Variants in DNM3 observed in about 807,000 individuals in gnomAD.
DNM3 encodes the protein dynamin 3.
Under a neutral mutation model 101.6 loss-of-function variants are expected in DNM3, and 47 were observed. The ratio of observed to expected loss-of-function variants is 0.46; its 90% CI spans 0.37 to 0.59. The LOEUF (loss-of-function observed/expected upper bound fraction) is 0.59. Among genes scored for constraint, DNM3 ranks in the 20% least tolerant of loss-of-function variants. The pLI is 0.00. For synonymous variants in DNM3, 385 were observed against 387.9 expected (o/e 0.99, Z 0.09); for missense variants, 849 against 1,085.7 (o/e 0.78, Z 3.06).
chr1:171,998,751 T>C lies in DNM3; in HGVS notation c.589+9603T>C, dbSNP rs536809179. ...GAGAGATTGATTGGGAATGCTGTCT[T>C]AGACAGACGGCCTAAGGAGGCAGCA... On this transcript the variant is annotated intron_variant, in intron 4 of 20. Transcript: ENST00000627582. Among the ~76,000 whole-genome samples the C allele has an allele frequency of 2.6e-5, 4 of 152,212 alleles. No individual in the cohort carries two copies. The South Asian group carries it at 8.3e-4, about 32-fold the overall frequency.
At chr1:172,414,018 A>T (rs1459707015), downstream of DNM3, among the ~76,000 whole-genome samples, 2 of 152,254 alleles carry the variant, frequency 1.3e-5, no homozygotes. Context: ...AAACAAAGAA[A>T]CTTATTGTAA....
At chr1:172,139,178 AT>A (rs1265099523) in intron 14 of DNM3, 1 of 308,696 alleles carries the variant, frequency 3.2e-6, no homozygotes, top group Non-Finnish European at 6.3e-6. Context: ...CACAAGGTTT[AT>A]TCTTAAGTCC....
intron 13 of DNM3, among the ~76,000 whole-genome samples, chr1:172,102,788 C>G (rs1334063325): frequency 6.6e-6 from 1 of 152,032 alleles, no homozygotes; most frequent in Non-Finnish European, 1.5e-5. Context: ...CCCTCTGTCT[C>G]TTTTATCCTC....
At chr1:171,850,767 GTTT>G (rs367677909) in intron 1 of DNM3, among the ~76,000 whole-genome samples, 1 of 139,868 alleles carries the variant, frequency 7.1e-6, no homozygotes, top group Non-Finnish European at 1.6e-5. Context: ...TTAGGGCTTT[GTTT>G]TTTTTTTTTT....
chr1:172,377,908 A>G lies in DNM3; in HGVS notation c.1894-1110A>G, dbSNP rs558541531. On this transcript the variant is annotated intron_variant, in intron 17 of 20. Coordinates refer to ENST00000627582, the MANE Select transcript of DNM3 (RefSeq NM_015569.5). The stretch of plus-strand genomic sequence containing the variant: ...GGCCCATCAATATGCTTTTCACACA[A>G]GCATATTGATTCAAAGGAAAGGCTT... 1.0e-3 allele frequency among the ~76,000 whole-genome samples: 154 copies of G among 152,148 alleles called. 1 individual carries two copies. The highest frequency in any genetic ancestry group is 3.4e-3 in the African/African-American group (142 of 41,532).
chr1:172,387,354 T>A lies in DNM3; in HGVS notation c.2280T>A (p.Ser760=), dbSNP rs1486643126. 4 of 1,612,768 alleles carry A rather than the reference T, an allele frequency of 2.5e-6. No individual in the cohort carries two copies. The highest frequency in any genetic ancestry group is 1.3e-5 in the African/African-American group (1 of 74,864). The change falls in exon 19 of 21, where the codon TCT becomes TCA. Residue 760 remains serine, a synonymous_variant. Coordinates refer to ENST00000627582, the MANE Select transcript of DNM3 (RefSeq NM_015569.5). ...TGGATGACTCCTGGATACAGCACTC[T>A]CGCAGGTAAGAAGATGGCCCCGGCC... ...PPVDDSWIQH[S]RRSPPPSPTT...
chr1:172,067,113 T>C (rs890460565), intron 10 of DNM3, among the ~76,000 whole-genome samples: 4 of 152,306 alleles, frequency 2.6e-5, no homozygotes, highest in East Asian at 1.9e-4. Context: ...GTAAGTCTTA[T>C]AAAAAAATAG....
chr1:172,371,236 G>A (rs1405589469), intron 17 of DNM3, among the ~76,000 whole-genome samples: 1 of 152,014 alleles, frequency 6.6e-6, no homozygotes, highest in Non-Finnish European at 1.5e-5. Context: ...CAACTGAAAG[G>A]GCTTCTGAAG....
rs948088439 is a variant in DNM3, at chr1:172,317,579, T to A, written c.1882-5750T>A. Reference sequence around the variant, plus strand: ...GATATCACCACTGATCCCACAGAAATACAAACTACCATCAGAGAATACTAC... The same window carrying A: ...GATATCACCACTGATCCCACAGAAAAACAAACTACCATCAGAGAATACTAC... On this transcript the variant is annotated intron_variant, in intron 16 of 20. Coordinates refer to ENST00000627582, the MANE Select transcript of DNM3 (RefSeq NM_015569.5). 2.0e-5 allele frequency among the ~76,000 whole-genome samples: 3 copies of A among 152,102 alleles called. No homozygotes were observed. The East Asian group carries it at 5.8e-4, about 29-fold the overall frequency.
chr1:172,050,291 A>G (rs1339915017), intron 10 of DNM3, among the ~76,000 whole-genome samples: 2 of 152,158 alleles, frequency 1.3e-5, no homozygotes, highest in East Asian at 1.9e-4. Context: ...GTTTCCTACT[A>G]ACCCTAAGGA....
intron 15 of DNM3, among the ~76,000 whole-genome samples, chr1:172,256,713 GT>G (rs2062413930): frequency 6.6e-6 from 1 of 151,036 alleles, no homozygotes; most frequent in African/African-American, 2.4e-5. Context: ...GTATTTTCTT[GT>G]GTTTACATTT....
intron 1 of DNM3, among the ~76,000 whole-genome samples, chr1:171,864,860 A>T (rs897648628): frequency 7.2e-6 from 1 of 138,242 alleles, no homozygotes; most frequent in Admixed American, 7.0e-5. Flanking sequence ...TTGCTTAAAT[A>T]AAAAAAAAAA....
intron 14 of DNM3, among the ~76,000 whole-genome samples, chr1:172,215,555 G>A (rs1558737423): frequency 6.6e-6 from 1 of 151,996 alleles, no homozygotes; most frequent in Non-Finnish European, 1.5e-5. Flanking sequence ...GAAATCAGAG[G>A]CAGTTAATTT....
At chr1:171,966,462 G>T (rs2043594961) in intron 2 of DNM3, among the ~76,000 whole-genome samples, 1 of 152,202 alleles carries the variant, frequency 6.6e-6, no homozygotes, top group Non-Finnish European at 1.5e-5. Context: ...AAGTGTTAAG[G>T]GGGCTTGTCA....
At chr1:172,201,552 G>C (rs1437554086) in intron 14 of DNM3, among the ~76,000 whole-genome samples, 1 of 152,220 alleles carries the variant, frequency 6.6e-6, no homozygotes, top group Non-Finnish European at 1.5e-5. Flanking sequence ...GGGGTTCCCT[G>C]TGTGGTGATG....
chr1:171,952,235 G>A (rs973445051), intron 2 of DNM3, among the ~76,000 whole-genome samples: 1 of 152,164 alleles, frequency 6.6e-6, no homozygotes, highest in Non-Finnish European at 1.5e-5. Flanking sequence ...CTGCATTAAT[G>A]GAGATTATCT....
chr1:171,994,954 G>A (rs544370933), intron 4 of DNM3, among the ~76,000 whole-genome samples: 1 of 151,898 alleles, frequency 6.6e-6, no homozygotes, highest in Non-Finnish European at 1.5e-5. Context: ...ACCCCATTCT[G>A]TCCCCTCCAG....
At chr1:172,160,227 C>T (rs2148284648) in intron 14 of DNM3, among the ~76,000 whole-genome samples, 1 of 152,086 alleles carries the variant, frequency 6.6e-6, no homozygotes, top group East Asian at 1.9e-4. Context: ...TACACTTGGG[C>T]TACTCTAAAT....
chr1:171,889,273 T>C (rs968988118), intron 1 of DNM3, among the ~76,000 whole-genome samples: 1 of 152,158 alleles, frequency 6.6e-6, no homozygotes, highest in African/African-American at 2.4e-5. Flanking sequence ...GCCACTGTGC[T>C]TGGCCGTGAA....
Sources: allele counts gnomAD v4.1 joint callset (sites outside exome capture counted in the v4.1 genomes callset), GRCh38; gene constraint gnomAD v4.1.1; transcripts MANE v1.5; gene names NCBI Gene and HGNC (gene_info 2026-07-23, HGNC 2026-07-21).